GLYATL2: variants seen among roughly 807,000 people sequenced by gnomAD.
GLYATL2 encodes glycine N-acyltransferase-like protein 2.
In GLYATL2, 25 loss-of-function variants were observed where a neutral mutation model predicts 21.4. The ratio of observed to expected loss-of-function variants is 1.17; its 90% CI spans 0.85 to 1.63. The LOEUF (loss-of-function observed/expected upper bound fraction) is 1.63. Among genes scored for constraint, GLYATL2 ranks in the 40% most tolerant of loss-of-function variants. The pLI is 0.00. For missense variants in GLYATL2, 361 were observed against 343.3 expected (o/e 1.05, Z -0.41); for synonymous variants, 114 against 118.2 (o/e 0.96, Z 0.23).
intron 1 of GLYATL2, among the ~76,000 whole-genome samples, chr11:58,856,085 C>A (rs543446834): frequency 1.3e-5 from 2 of 152,042 alleles, no homozygotes; most frequent in Admixed American, 6.6e-5. Flanking sequence ...GAGCCCTGAT[C>A]GCTGCACCAC....
At chr11:58,847,212 G>A (rs1853659363), upstream of GLYATL2, among the ~76,000 whole-genome samples, 1 of 152,152 alleles carries the variant, frequency 6.6e-6, no homozygotes, top group Non-Finnish European at 1.5e-5. Flanking sequence ...AGTACATTGA[G>A]GACCTTGCGT....
chr11:58,841,627 A>G (rs547749900), intron 1 of GLYATL2, among the ~76,000 whole-genome samples: 29 of 152,346 alleles, frequency 1.9e-4, no homozygotes, highest in African/African-American at 6.7e-4. Context: ...AAATCTATTG[A>G]CACAAAATAG....
intron 1 of GLYATL2, among the ~76,000 whole-genome samples, chr11:58,858,769 C>T (rs1441741172): frequency 1.3e-5 from 2 of 152,152 alleles, no homozygotes; most frequent in African/African-American, 4.8e-5. Context: ...CTTCCGTGTC[C>T]CTGATTCCTC....
chr11:58,893,573 G>A (rs1299741078), intron 1 of GLYATL2: 1 of 153,000 alleles, frequency 6.5e-6, no homozygotes, highest in Non-Finnish European at 1.5e-5. Context: ...TATATGCCAG[G>A]AACTATTCTC....
At chr11:58,863,823 A>G (rs1445939346) in intron 1 of GLYATL2, among the ~76,000 whole-genome samples, 2 of 152,162 alleles carry the variant, frequency 1.3e-5, no homozygotes, top group Non-Finnish European at 2.9e-5. Flanking sequence ...ACTGTCCTAG[A>G]TACTGGGTCT....
At chr11:58,850,925 C>G (rs567942319) in intron 1 of GLYATL2, among the ~76,000 whole-genome samples, 29 of 152,232 alleles carry the variant, frequency 1.9e-4, no homozygotes, top group Admixed American at 1.7e-3. Context: ...CCTGGCTCTG[C>G]CCTCTAGATA....
rs554547877 is a variant in GLYATL2, at chr11:58,839,334, G to A, written c.78+201C>T. Among the ~76,000 whole-genome samples, 7 of 152,228 alleles carry A rather than the reference G, an allele frequency of 4.6e-5. No individual in the cohort carries two copies. In the South Asian group the frequency reaches 1.5e-3, roughly 32 times the overall value. On this transcript the variant is annotated intron_variant, in intron 2 of 5. Transcript: ENST00000287275. ...ACAAAGTACACCAAAGATAGCAGAA[G>A]GATAAATTCAAAAGATGTTTAAGAG...
chr11:58,846,322 G>A (rs1310870644), upstream of GLYATL2, among the ~76,000 whole-genome samples: 1 of 151,878 alleles, frequency 6.6e-6, no homozygotes, highest in Non-Finnish European at 1.5e-5. Flanking sequence ...ACCCCACAAG[G>A]CACCAACTTA....
At chr11:58,896,110 C>T (rs2134626054) in intron 1 of GLYATL2, among the ~76,000 whole-genome samples, 1 of 152,258 alleles carries the variant, frequency 6.6e-6, no homozygotes, top group South Asian at 2.1e-4. Flanking sequence ...CCTCCGCGGC[C>T]TCCGAAAGTG....
chr11:58,883,020 G>C (rs1355620127), intron 1 of GLYATL2, among the ~76,000 whole-genome samples: 3 of 152,082 alleles, frequency 2.0e-5, no homozygotes, highest in African/African-American at 7.2e-5. Context: ...TTTTGCTTAG[G>C]GTTGTCTTGG....
Position 58,834,736 on chromosome 11 carries a change from T to C in GLYATL2, c.578A>G (p.Glu193Gly). ...GKNERSLKYIERCLQDFLGFG... is the reference protein window; with the variant it reads ...GKNERSLKYIGRCLQDFLGFG... ...TCCTAGAAAATCCTGGAGGCAGCGT[T>C]CAATATATTTCAAGCTCCTCTCATT... The change falls in exon 6 of 6, where the codon GAA (glutamate) becomes GGA (glycine). Residue 193 changes from glutamate (E) to glycine (G), a missense_variant. By Grantham distance (98) the Glu-to-Gly change is moderately conservative. Transcript: ENST00000287275. 6.2e-7 allele frequency: 1 copy of C among 1,613,934 alleles called. No individual in the cohort carries two copies. Among genetic ancestry groups the C allele is most frequent in the South Asian group, 1.1e-5 (1 of 91,062 alleles).
chr11:58,879,259 C>T (rs1854290993), intron 1 of GLYATL2, among the ~76,000 whole-genome samples: 1 of 151,886 alleles, frequency 6.6e-6, no homozygotes, highest in Admixed American at 6.6e-5. Context: ...ATAAATCACA[C>T]ATTCTTTCAC....
At chr11:58,846,443 A>G (rs188736074), upstream of GLYATL2, among the ~76,000 whole-genome samples, 1 of 152,286 alleles carries the variant, frequency 6.6e-6, no homozygotes, top group African/African-American at 2.4e-5. Flanking sequence ...GACAGTAAAA[A>G]ACAGTCTTGA....
In GLYATL2 at chr11:58,836,049, A is replaced by G. The variant is rs2156347; in HGVS notation, c.476+966T>C. ...AAAGCATAAATGGATTACTAGAGGAAAGCAAATCTCTCTTCTTTCTCTGAT... is the reference window on the plus strand; with the variant it reads ...AAAGCATAAATGGATTACTAGAGGAGAGCAAATCTCTCTTCTTTCTCTGAT... On this transcript the variant is annotated intron_variant, in intron 5 of 5. Coordinates refer to ENST00000287275, the MANE Select transcript of GLYATL2 (RefSeq NM_145016.4). 3.3e-3 allele frequency among the ~76,000 whole-genome samples: 495 copies of G among 152,282 alleles called. 3 individuals carry two copies. The highest frequency in any genetic ancestry group is 0.011 in the African/African-American group (476 of 41,548).
At chr11:58,896,805 A>C (rs1181370536) in intron 1 of GLYATL2, among the ~76,000 whole-genome samples, 1 of 152,070 alleles carries the variant, frequency 6.6e-6, no homozygotes, top group Non-Finnish European at 1.5e-5. Context: ...GCTATGACAT[A>C]TTTACTGTTT....
chr11:58,868,789 G>T (rs1478418492), intron 1 of GLYATL2, among the ~76,000 whole-genome samples: 6 of 149,128 alleles, frequency 4.0e-5, no homozygotes, highest in Non-Finnish European at 1.5e-5. Flanking sequence ...TACCTTGGAA[G>T]AACTGCTTTT....
upstream of GLYATL2, among the ~76,000 whole-genome samples, chr11:58,906,966 C>A (rs140807983): frequency 9.2e-5 from 14 of 152,190 alleles, no homozygotes; most frequent in East Asian, 2.5e-3. Flanking sequence ...ATGTGGAATC[C>A]TTTTTTAAAA....
chr11:58,908,060 A>G (rs538122717), upstream of GLYATL2: 3 of 152,434 alleles, frequency 2.0e-5, no homozygotes, highest in African/African-American at 7.2e-5. Flanking sequence ...CCAAGCTGAA[A>G]TCTCAAGGGT....
intron 1 of GLYATL2, among the ~76,000 whole-genome samples, chr11:58,881,072 T>G (rs961993951): frequency 4.6e-5 from 7 of 152,208 alleles, no homozygotes; most frequent in Non-Finnish European, 1.0e-4. Context: ...ATCATTGGAT[T>G]TAATTGTTAA....
Sources: gnomAD v4.1 joint callset for allele counts (sites outside exome capture counted in the v4.1 genomes callset) on GRCh38, gnomAD v4.1.1 for gene constraint, MANE v1.5 for transcripts, NCBI Gene and HGNC (gene_info 2026-07-23, HGNC 2026-07-21) for gene names.